The following WDPCP variants were observed in gnomAD, a reference collection of about 807,000 sequenced individuals.
WDPCP encodes WD repeat-containing and planar cell polarity effector protein fritz homolog.
WDPCP carries 71 observed loss-of-function variants against 93.1 expected under a neutral mutation model. That is an observed-to-expected ratio of 0.76 (90% CI 0.63 to 0.93). WDPCP has a LOEUF of 0.93. WDPCP is among the 40% of genes least tolerant of loss of function. The probability of loss-of-function intolerance (pLI) is 0.00; values close to 1 mark genes in which losing one functional copy is unlikely to be tolerated. For synonymous variants in WDPCP, 315 were observed against 315.0 expected, an observed-to-expected ratio of 1.00 and a Z score of 0.00; for missense variants, 844 against 887.4, an observed-to-expected ratio of 0.95 and a Z score of 0.62.
intron 14 of WDPCP, among the ~76,000 whole-genome samples, chr2:63,256,281 T>G (rs925661703): frequency 6.6e-6 from 1 of 152,140 alleles, no homozygotes; most frequent in African/African-American, 2.4e-5. Flanking sequence ...AATAATAACA[T>G]TGACAGCCAG....
intron 12 of WDPCP, among the ~76,000 whole-genome samples, chr2:63,373,514 C>G (rs887373279): frequency 6.6e-6 from 1 of 151,130 alleles, no homozygotes; most frequent in African/African-American, 2.4e-5. Flanking sequence ...CCTTGGCCTC[C>G]CATAAATGCT....
At chr2:63,131,053 A>G (rs756961416) in intron 17 of WDPCP, among the ~76,000 whole-genome samples, 1 of 152,104 alleles carries the variant, frequency 6.6e-6, no homozygotes, top group Non-Finnish European at 1.5e-5. Flanking sequence ...TATTTTTTCC[A>G]TCCTTTCCAT....
chr2:63,423,083 A>G lies in WDPCP; in HGVS notation c.825+10662T>C, dbSNP rs201174278. Among the ~76,000 whole-genome samples the G allele has an allele frequency of 3.3e-5, 5 of 152,244 alleles. No individual in the cohort carries two copies. The East Asian group carries it at 9.6e-4, about 29-fold the overall frequency. ...AGAGGTTAAGATCATGACAGAGCAC[A>G]TGGAGGTACTTCTGGGTGCCTGCAC... is the stretch of plus-strand genomic sequence containing the variant. On this transcript the variant is annotated intron_variant, in intron 9 of 17. Coordinates refer to ENST00000272321, the MANE Select transcript of WDPCP (RefSeq NM_015910.7).
intron 12 of WDPCP, among the ~76,000 whole-genome samples, chr2:63,362,261 T>TTTC (rs1464108284): frequency 1.5e-5 from 1 of 65,532 alleles, no homozygotes; most frequent in Non-Finnish European, 2.8e-5. Context: ...AGAATCCCTT[T>TTTC]TTTTTTTTTT....
intron 2 of WDPCP, among the ~76,000 whole-genome samples, chr2:63,771,606 T>A (rs1670227347): frequency 6.6e-6 from 1 of 151,980 alleles, no homozygotes; most frequent in South Asian, 2.1e-4. Flanking sequence ...TTAATTGTTA[T>A]ATTGCATGAT....
intron 2 of WDPCP, among the ~76,000 whole-genome samples, chr2:63,730,423 A>C (rs1334827721): frequency 6.6e-6 from 1 of 152,162 alleles, no homozygotes; most frequent in Non-Finnish European, 1.5e-5. Context: ...ATCAGGGACA[A>C]GTAATTTCTT....
At chr2:63,214,839 A>G (rs951786096) in intron 14 of WDPCP, among the ~76,000 whole-genome samples, 7 of 152,184 alleles carry the variant, frequency 4.6e-5, no homozygotes, top group African/African-American at 1.7e-4. Flanking sequence ...ACAGACAAAC[A>G]GAGAGCCAAA....
intron 2 of WDPCP, among the ~76,000 whole-genome samples, chr2:63,771,398 A>G (rs953517140): frequency 4.6e-5 from 7 of 152,046 alleles, no homozygotes; most frequent in African/African-American, 1.7e-4. Flanking sequence ...ATAATTTAAA[A>G]CCTTTCTCTG....
intron 13 of WDPCP, among the ~76,000 whole-genome samples, chr2:63,269,171 G>A (rs1682416978): frequency 6.6e-6 from 1 of 152,082 alleles, no homozygotes; most frequent in South Asian, 2.1e-4. Context: ...CCCAACCAGT[G>A]TTACTTAGTT....
intron 2 of WDPCP, among the ~76,000 whole-genome samples, chr2:63,787,558 C>T (rs926810620): frequency 2.6e-5 from 4 of 152,066 alleles, no homozygotes; most frequent in African/African-American, 4.8e-5. Flanking sequence ...GACTGATTTT[C>T]GTTGGCTGTT....
chr2:63,676,936 A>T (rs1710410874), intron 2 of WDPCP, among the ~76,000 whole-genome samples: 1 of 152,184 alleles, frequency 6.6e-6, no homozygotes, highest in Admixed American at 6.5e-5. Context: ...TCAGTGGGGT[A>T]AGCTTTAGGG....
At chr2:63,403,801 T>G (rs988232434) in intron 10 of WDPCP, 6 of 486,466 alleles carry the variant, frequency 1.2e-5, no homozygotes, top group African/African-American at 5.8e-5. Context: ...GTATCAAATG[T>G]AAAAATTAGG....
At chr2:63,211,136 C>G (rs183379535) in intron 14 of WDPCP, among the ~76,000 whole-genome samples, 43 of 152,320 alleles carry the variant, frequency 2.8e-4, no homozygotes, top group African/African-American at 9.9e-4. Context: ...AGTTTGAGAT[C>G]TGAGAATGGA....
At chr2:63,387,484 A>T (rs1692838240) in intron 10 of WDPCP, among the ~76,000 whole-genome samples, 1 of 152,164 alleles carries the variant, frequency 6.6e-6, no homozygotes, top group Admixed American at 6.6e-5. Flanking sequence ...GTATTGAAGG[A>T]ATATACATCA....
chr2:63,370,330 C>T (rs956637696), intron 12 of WDPCP, among the ~76,000 whole-genome samples: 1 of 152,030 alleles, frequency 6.6e-6, no homozygotes, highest in Non-Finnish European at 1.5e-5. Context: ...CTATTGTTCC[C>T]TCCTGCTTAT....
At chr2:63,687,042 T>A (rs1471484369) in intron 2 of WDPCP, among the ~76,000 whole-genome samples, 3 of 152,118 alleles carry the variant, frequency 2.0e-5, no homozygotes, top group Admixed American at 2.0e-4. Flanking sequence ...GGACCACACA[T>A]AAAATACACT....
intron 3 of WDPCP, among the ~76,000 whole-genome samples, chr2:63,616,005 C>T (rs1012145821): frequency 6.6e-6 from 1 of 152,148 alleles, no homozygotes; most frequent in Non-Finnish European, 1.5e-5. Context: ...TAATGCTCTC[C>T]TGTTCATTTA....
At chr2:63,210,079 A>G (rs1452922781) in intron 14 of WDPCP, among the ~76,000 whole-genome samples, 1 of 152,048 alleles carries the variant, frequency 6.6e-6, no homozygotes, top group African/African-American at 2.4e-5. Flanking sequence ...AGAAGAGTAC[A>G]TTTTGAAAAC....
intron 9 of WDPCP, among the ~76,000 whole-genome samples, chr2:63,411,329 G>T (rs574386625): frequency 1.3e-5 from 2 of 151,948 alleles, no homozygotes; most frequent in Non-Finnish European, 2.9e-5. Context: ...AAAATTCTTC[G>T]AACTGAACAA....
Sources: allele counts gnomAD v4.1 joint callset (sites outside exome capture counted in the v4.1 genomes callset), GRCh38; gene constraint gnomAD v4.1.1; transcripts MANE v1.5; gene names NCBI Gene and HGNC (gene_info 2026-07-23, HGNC 2026-07-21).